DNASE1: variants seen among roughly 807,000 people sequenced by gnomAD.
DNASE1 encodes deoxyribonuclease 1.
A neutral mutation model predicts 33.9 loss-of-function variants in DNASE1; 40 were observed. That is an observed-to-expected ratio of 1.18 (90% CI 0.92 to 1.54). The LOEUF is 1.54. Among genes scored for constraint, DNASE1 ranks in the 40% most tolerant of loss-of-function variants. The probability of loss-of-function intolerance (pLI) is 0.00; values close to 1 mark genes in which losing one functional copy is unlikely to be tolerated. For missense variants in DNASE1, 518 were observed against 372.6 expected (o/e 1.39, Z -3.21); for synonymous variants, 216 against 160.0 (o/e 1.35, Z -2.64).
exon 10 of DNASE1, chr16:3,664,110 G>A: frequency 4.2e-6 from 3 of 707,290 alleles, no homozygotes; most frequent in South Asian, 2.6e-5. Context: ...CCTCCAAGTG[G>A]GAAACAGCCG....
Position 3,631,534 on chromosome 16 carries a change from T to C in DNASE1, c.-1358-9181T>C, listed in dbSNP as rs1212144384. ...TATAGGTTTTTTTGTTTTGTTTTGT[T>C]TTTAAATTGAGACGGAGTCTCGCTC... On this transcript the variant is annotated intron_variant and NMD_transcript_variant, in intron 1 of 11. Coordinates refer to the DNASE1 transcript ENST00000570769. Among the ~76,000 whole-genome samples, 5 of 150,216 alleles carry C rather than the reference T, an allele frequency of 3.3e-5. No individual in the cohort carries two copies. In the Admixed American group the frequency reaches 3.3e-4, roughly 10 times the overall value.
upstream of DNASE1, among the ~76,000 whole-genome samples, chr16:3,638,633 C>T (rs555160727): frequency 1.8e-4 from 28 of 152,312 alleles, no homozygotes; most frequent in East Asian, 5.8e-4. Flanking sequence ...CCACCACGCC[C>T]GGCCTCTGTT....
At chr16:3,614,747 A>G (rs1048341394) in intron 1 of DNASE1, among the ~76,000 whole-genome samples, 19 of 152,214 alleles carry the variant, frequency 1.2e-4, no homozygotes, top group Non-Finnish European at 2.2e-4. Context: ...CCCTGCCAGC[A>G]AGATTTATTA....
chr16:3,662,019 C>G, downstream of DNASE1: 1 of 1,612,110 alleles, frequency 6.2e-7, no homozygotes. Flanking sequence ...GCTGCAGGAG[C>G]TGTGCGCGCT....
At chr16:3,665,167 C>G (rs1049466112) in exon 10 of DNASE1, 2 of 152,226 alleles carry the variant, frequency 1.3e-5, no homozygotes, top group Non-Finnish European at 2.9e-5. Context: ...GCTGTTAACT[C>G]AAATGAAGAT....
Position 3,656,078 on chromosome 16 carries a change from G to A in DNASE1, c.237-24G>A, listed in dbSNP as rs773700197. 9.9e-6 allele frequency: 16 copies of A among 1,613,816 alleles called. 1 individual carries two copies. In the South Asian group the frequency reaches 1.3e-4, roughly 13 times the overall value. On this transcript the variant is annotated intron_variant, in intron 3 of 8. Transcript: ENST00000246949. Reference sequence around the variant, plus strand: ...GGGTCCCCTATGGCCCCCGCCACTGGGACCTTTTGTTTCTTCAATCCAGGG... The same window carrying A: ...GGGTCCCCTATGGCCCCCGCCACTGAGACCTTTTGTTTCTTCAATCCAGGG...
chr16:3,620,881 A>G (rs1324885291), intron 1 of DNASE1, among the ~76,000 whole-genome samples: 1 of 151,600 alleles, frequency 6.6e-6, no homozygotes, highest in African/African-American at 2.4e-5. Flanking sequence ...GCTCACTGCA[A>G]CCTCCGCTCC....
intron 1 of DNASE1, among the ~76,000 whole-genome samples, chr16:3,613,100 A>C (rs1168934775): frequency 6.6e-6 from 1 of 152,132 alleles, no homozygotes; most frequent in African/African-American, 2.4e-5. Context: ...TAAAACCCCA[A>C]ATCGAACCTG....
At chr16:3,626,457 TG>T (rs774038611) in intron 1 of DNASE1, among the ~76,000 whole-genome samples, 1 of 152,260 alleles carries the variant, frequency 6.6e-6, no homozygotes, top group Non-Finnish European at 1.5e-5. Flanking sequence ...TTTCTGTTAC[TG>T]GTTTCTAGTT....
chr16:3,625,790 T>C (rs775531451), intron 1 of DNASE1, among the ~76,000 whole-genome samples: 1 of 152,092 alleles, frequency 6.6e-6, no homozygotes, highest in Non-Finnish European at 1.5e-5. Context: ...TAAGAACCTT[T>C]ATAAGGCACC....
At chr16:3,662,785 A>C, downstream of DNASE1, 1 of 1,148,466 alleles carries the variant, frequency 8.7e-7, no homozygotes, top group Non-Finnish European at 1.3e-6. Flanking sequence ...CTGCTGCTGG[A>C]AGGACACCCA....
At chr16:3,662,318 G>T, downstream of DNASE1, 1 of 714,998 alleles carries the variant, frequency 1.4e-6, no homozygotes, top group Non-Finnish European at 2.2e-6. Flanking sequence ...GATGCCCCAC[G>T]CAAAGATACT....
At position 3,644,933 on chromosome 16, in the gene DNASE1, A is replaced by T. The variant is rs973339477; in HGVS notation, c.-86+1897A>T. Among the ~76,000 whole-genome samples, 15 of 152,096 alleles carry T rather than the reference A, an allele frequency of 9.9e-5. 1 individual carries two copies. The highest frequency in any genetic ancestry group is 3.6e-4 in the African/African-American group (15 of 41,496). Reference sequence around the variant, plus strand: ...CACTTGGGCTTAGGAGTTCGAGACCAGCCTGGGCAACATGGCAAAACTCCA... The same window carrying T: ...CACTTGGGCTTAGGAGTTCGAGACCTGCCTGGGCAACATGGCAAAACTCCA... On this transcript the variant is annotated intron_variant, in intron 1 of 9. Coordinates refer to the DNASE1 transcript ENST00000407479.
chr16:3,662,831 C>T (rs376671582), downstream of DNASE1: 4 of 1,583,904 alleles, frequency 2.5e-6, no homozygotes, highest in Admixed American at 5.0e-5. Context: ...GCTGGCCAGC[C>T]TGTTAGGGAC....
At chr16:3,631,768 C>G (rs1198716736) in intron 1 of DNASE1, among the ~76,000 whole-genome samples, 1 of 152,128 alleles carries the variant, frequency 6.6e-6, no homozygotes, top group African/African-American at 2.4e-5. Flanking sequence ...GGTGATCCAC[C>G]CACCTCGGCC....
intron 1 of DNASE1, among the ~76,000 whole-genome samples, chr16:3,624,280 A>G (rs1016140761): frequency 3.3e-5 from 5 of 152,118 alleles, no homozygotes; most frequent in Non-Finnish European, 5.9e-5. Flanking sequence ...AAAAAAAAAA[A>G]AAAAGGTTAG....
intron 1 of DNASE1, among the ~76,000 whole-genome samples, chr16:3,628,264 A>G (rs1008651757): frequency 1.3e-5 from 2 of 152,180 alleles, no homozygotes; most frequent in Admixed American, 6.5e-5. Flanking sequence ...ATAGAAATGC[A>G]AATGATTTTT....
chr16:3,661,926 A>C (rs746210198), downstream of DNASE1: 144 of 1,516,444 alleles, frequency 9.5e-5, no homozygotes, highest in South Asian at 2.3e-4. Context: ...CAACAAAAGA[A>C]CACCACACAC....
At chr16:3,635,381 C>T (rs1249838884) in intron 1 of DNASE1, among the ~76,000 whole-genome samples, 1 of 148,832 alleles carries the variant, frequency 6.7e-6, no homozygotes, top group African/African-American at 2.5e-5. Flanking sequence ...TTGCTTGAAC[C>T]TGGGAGGCAG....
Sources: gnomAD v4.1 joint callset for allele counts (sites outside exome capture counted in the v4.1 genomes callset) on GRCh38, gnomAD v4.1.1 for gene constraint, MANE v1.5 for transcripts, NCBI Gene and HGNC (gene_info 2026-07-23, HGNC 2026-07-21) for gene names.